Variants in RHBDD1 observed in about 807,000 individuals in gnomAD.
The protein encoded by RHBDD1 is rhomboid domain containing 1, also known as rhomboid-related protein 4.
Under a neutral mutation model 36.3 loss-of-function variants are expected in RHBDD1, and 38 were observed. The ratio of observed to expected loss-of-function variants is 1.05; its 90% confidence interval spans 0.81 to 1.37. RHBDD1 has a LOEUF of 1.37. Among genes scored for constraint, RHBDD1 ranks in the 40% most tolerant of loss-of-function variants. The pLI is 0.00. For synonymous variants in RHBDD1, 151 were observed against 136.5 expected (o/e 1.11, Z -0.74); for missense variants, 393 against 377.6 (o/e 1.04, Z -0.34).
intron 8 of RHBDD1, among the ~76,000 whole-genome samples, chr2:226,939,857 C>T (rs1354753444): frequency 6.6e-6 from 1 of 152,194 alleles, no homozygotes; most frequent in Non-Finnish European, 1.5e-5. Flanking sequence ...CACTACCCAA[C>T]TTCAAACTAT....
intron 3 of RHBDD1, among the ~76,000 whole-genome samples, chr2:226,859,235 T>G (rs1348665370): frequency 6.6e-6 from 1 of 152,186 alleles, no homozygotes; most frequent in African/African-American, 2.4e-5. Flanking sequence ...AACTACAGAT[T>G]GAAAATTTTT....
chr2:226,907,950 C>A (rs1948187485), intron 6 of RHBDD1, among the ~76,000 whole-genome samples: 1 of 151,944 alleles, frequency 6.6e-6, no homozygotes, highest in Non-Finnish European at 1.5e-5. Flanking sequence ...TTTCTTTTTT[C>A]TGTGTCTCAT....
At chr2:226,806,058 C>A in the RHBDD1 span, among the ~76,000 whole-genome samples, 1 of 152,064 alleles carries the variant, frequency 6.6e-6, no homozygotes, top group Admixed American at 6.6e-5. Flanking sequence ...TCCTCAACTG[C>A]AAGGTTAACG....
In RHBDD1 at chr2:226,867,167, G is replaced by A. The variant is rs1369115446; in HGVS notation, c.434-19G>A. The A allele has an allele frequency of 1.3e-6, 2 of 1,583,354 alleles. No individual in the cohort carries two copies. The highest frequency in any genetic ancestry group is 2.4e-5 in the South Asian group (2 of 84,872). On this transcript the variant is annotated intron_variant, in intron 4 of 8. Coordinates refer to ENST00000392062, the MANE Select transcript of RHBDD1 (RefSeq NM_001167608.3). ...ACTTTTGGATTGTTGATATTTGCAT[G>A]TTCTTCATTCTCTTTTAGGAGTTTT...
intron 1 of RHBDD1, among the ~76,000 whole-genome samples, chr2:226,836,692 G>A (rs1376469198): frequency 6.6e-6 from 1 of 152,182 alleles, no homozygotes; most frequent in Non-Finnish European, 1.5e-5. Flanking sequence ...CAAAATGAAT[G>A]AGTGCCTGCC....
chr2:226,887,333 A>G (rs780857856), intron 5 of RHBDD1, among the ~76,000 whole-genome samples: 1 of 152,168 alleles, frequency 6.6e-6, no homozygotes, highest in Non-Finnish European at 1.5e-5. Flanking sequence ...GTAGTTGTAG[A>G]TTTCATTCAA....
At chr2:226,882,430 C>CAAAAAAAAAAAAAA (rs58149634) in intron 5 of RHBDD1, among the ~76,000 whole-genome samples, 1 of 57,104 alleles carries the variant, frequency 1.8e-5, no homozygotes, top group African/African-American at 5.4e-5. Context: ...GACTTTGCCT[C>CAAAAAAAAAAAAAA]AAAAAAAAAA....
intron 8 of RHBDD1, among the ~76,000 whole-genome samples, chr2:226,960,418 T>C (rs1023139593): frequency 3.9e-5 from 6 of 152,264 alleles, no homozygotes; most frequent in African/African-American, 1.4e-4. Flanking sequence ...TTCACTCTTT[T>C]AACTGATTGC....
chr2:226,995,485 T>C lies in RHBDD1; in HGVS notation c.911T>C (p.Met304Thr). The change falls in exon 9 of 9, where the codon ATG becomes ACG. Residue 304 changes from methionine to threonine, a missense_variant. Coordinates refer to ENST00000392062, the MANE Select transcript of RHBDD1 (RefSeq NM_001167608.3). The stretch of plus-strand genomic sequence containing the variant: ...GGGTTTCATCTCTCACCAGAAGAAA[T>C]GAGGAGACAGCGGCTTCACAGATTC... ...PYGFHLSPEE[M>T]RRQRLHRFDS... 1 of 1,613,312 alleles carries C rather than the reference T, an allele frequency of 6.2e-7. No individual in the cohort carries two copies. Among genetic ancestry groups the C allele is most frequent in the Non-Finnish European group, 8.5e-7 (1 of 1,179,664 alleles).
At chr2:226,820,819 CT>C in the RHBDD1 span, among the ~76,000 whole-genome samples, 1 of 152,022 alleles carries the variant, frequency 6.6e-6, no homozygotes, top group African/African-American at 2.4e-5. Flanking sequence ...TAAAAATTGA[CT>C]TTTACTTTTG....
At chr2:226,836,727 G>GT (rs1189262505) in intron 1 of RHBDD1, among the ~76,000 whole-genome samples, 1 of 152,190 alleles carries the variant, frequency 6.6e-6, no homozygotes, top group Non-Finnish European at 1.5e-5. Flanking sequence ...TTATCGAGGT[G>GT]TTTGGGTCTC....
the RHBDD1 span, among the ~76,000 whole-genome samples, chr2:226,801,645 C>G: frequency 6.6e-6 from 1 of 152,062 alleles, no homozygotes; most frequent in African/African-American, 2.4e-5. Context: ...TGTGGGCACA[C>G]GTGCCCACTA....
chr2:226,881,299 A>G (rs1194969755), intron 5 of RHBDD1, among the ~76,000 whole-genome samples: 1 of 152,200 alleles, frequency 6.6e-6, no homozygotes, highest in Non-Finnish European at 1.5e-5. Context: ...AAGCCTAACC[A>G]CATCACTGCC....
intron 8 of RHBDD1, among the ~76,000 whole-genome samples, chr2:226,921,317 T>C (rs963594222): frequency 1.3e-5 from 2 of 152,164 alleles, no homozygotes; most frequent in Non-Finnish European, 1.5e-5. Context: ...CATGAATCTT[T>C]TGTATTGTTT....
chr2:226,951,142 G>A (rs1370651923), intron 8 of RHBDD1, among the ~76,000 whole-genome samples: 2 of 152,002 alleles, frequency 1.3e-5, no homozygotes, highest in Non-Finnish European at 2.9e-5. Context: ...GTGGATTTTT[G>A]TACATGGTGT....
intron 7 of RHBDD1, among the ~76,000 whole-genome samples, chr2:226,909,439 C>A (rs923719618): frequency 6.6e-6 from 1 of 152,114 alleles, no homozygotes; most frequent in African/African-American, 2.4e-5. Flanking sequence ...GGTGGCTACA[C>A]GGTAGTATTT....
the RHBDD1 span, among the ~76,000 whole-genome samples, chr2:226,818,376 C>G: frequency 9.3e-3 from 1,401 of 150,590 alleles, 13 homozygotes; most frequent in Non-Finnish European, 0.014. Context: ...CTGTGTTAGC[C>G]AGGATGGTCT....
chr2:226,945,294 T>C (rs973022225), intron 8 of RHBDD1, among the ~76,000 whole-genome samples: 4 of 152,056 alleles, frequency 2.6e-5, no homozygotes, highest in African/African-American at 9.7e-5. Context: ...TTTCTCCTAA[T>C]GGTATCCCTC....
At chr2:226,830,237 G>A in the RHBDD1 span, among the ~76,000 whole-genome samples, 13 of 152,238 alleles carry the variant, frequency 8.5e-5, no homozygotes, top group South Asian at 4.1e-4. Flanking sequence ...GAATGAGATC[G>A]TGCCCTTATA....
Sources: allele counts gnomAD v4.1 joint callset (sites outside exome capture counted in the v4.1 genomes callset), GRCh38; gene constraint gnomAD v4.1.1; transcripts MANE v1.5; gene names NCBI Gene and HGNC (gene_info 2026-07-23, HGNC 2026-07-21).